The following ATP2C1 variants were observed in gnomAD, a reference collection of about 807,000 sequenced individuals.
The protein encoded by ATP2C1 is ATPase secretory pathway Ca2+ transporting 1, also known as calcium-transporting ATPase type 2C member 1.
A neutral mutation model predicts 120.5 loss-of-function variants in ATP2C1; 31 were observed. The observed-to-expected ratio is 0.26, with a 90% CI of 0.19 to 0.35. The LOEUF (loss-of-function observed/expected upper bound fraction) is 0.35, where lower values mean the gene tolerates loss of function less well. ATP2C1 is among the 10% of genes least tolerant of loss of function. The pLI is 1.00. For synonymous variants in ATP2C1, 351 were observed against 358.7 expected, an observed-to-expected ratio of 0.98 and a Z score of 0.24; for missense variants, 731 against 1,107.5, an observed-to-expected ratio of 0.66 and a Z score of 4.83.
intron 8 of ATP2C1, among the ~76,000 whole-genome samples, chr3:130,953,115 A>ATG (rs1395634677): frequency 6.6e-6 from 1 of 151,384 alleles, no homozygotes; most frequent in South Asian, 2.1e-4. Context: ...GTATGTATGT[A>ATG]TATATGTATG....
intron 1 of ATP2C1, among the ~76,000 whole-genome samples, chr3:130,858,254 G>A (rs916889092): frequency 6.6e-6 from 1 of 151,994 alleles, no homozygotes; most frequent in African/African-American, 2.4e-5. Context: ...ACAATACTTT[G>A]CATCCTTCAA....
intron 8 of ATP2C1, among the ~76,000 whole-genome samples, chr3:130,944,635 A>G (rs1346284007): frequency 6.6e-6 from 1 of 152,152 alleles, no homozygotes; most frequent in Non-Finnish European, 1.5e-5. Flanking sequence ...ATAGCATGTG[A>G]CTTTTTGGGA....
intron 19 of ATP2C1, 84 bp from the exon 20 acceptor site, chr3:130,980,498 A>G: frequency 3.2e-6 from 3 of 927,008 alleles, no homozygotes; most frequent in Non-Finnish European, 5.3e-6. Flanking sequence ...CAGATAACAA[A>G]TCATACTAAA....
chr3:130,929,194 T>G (rs1559935131), intron 2 of ATP2C1, among the ~76,000 whole-genome samples: 1 of 152,190 alleles, frequency 6.6e-6, no homozygotes, highest in Non-Finnish European at 1.5e-5. Flanking sequence ...AGTTGAAAAA[T>G]ACTACTGCTC....
intron 8 of ATP2C1, among the ~76,000 whole-genome samples, chr3:130,947,846 A>C (rs754390173): frequency 4.6e-5 from 7 of 151,230 alleles, no homozygotes; most frequent in Non-Finnish European, 1.0e-4. Flanking sequence ...TTCTGTGCAT[A>C]CTGTTTACTT....
At chr3:130,997,568 A>G (rs750288310) in intron 24 of ATP2C1, 38 bp from the exon 25 acceptor site, 1 of 1,602,468 alleles carries the variant, frequency 6.2e-7, no homozygotes, top group Non-Finnish European at 8.5e-7. Context: ...CCAGACCTTA[A>G]AACTTGAAAG....
chr3:130,866,057 A>G lies in ATP2C1; in HGVS notation c.108+15129A>G, dbSNP rs981147679. Among the ~76,000 whole-genome samples, 56 of 152,048 alleles carry G rather than the reference A, an allele frequency of 3.7e-4. 1 individual carries two copies. Among genetic ancestry groups the G allele is most frequent in the African/African-American group, 1.3e-3 (55 of 41,410 alleles). On this transcript the variant is annotated intron_variant, in intron 1 of 26. Coordinates refer to the ATP2C1 transcript ENST00000504381. ...ACTCTAGAATCCTCCTTTTTTGATTATATATGCATAATTATCCTTAAATGT... is the reference window on the plus strand; with the variant it reads ...ACTCTAGAATCCTCCTTTTTTGATTGTATATGCATAATTATCCTTAAATGT...
At position 130,894,155 on chromosome 3, in the gene ATP2C1, CCCCG is replaced by C. The variant is rs1559889304; in HGVS notation, c.-355_-352del. ...CCCCTCACCTCCTCTTCTCTCCCCT[CCCCG>C]CCCGCCCTCTCTCCCTCCCTTCCTC... On this transcript the variant is annotated 5_prime_UTR_variant, in exon 1 of 28. Transcript: ENST00000510168. The surrounding 1 kb of genome is among the most constrained non-coding windows in gnomAD (Gnocchi z 4.5). 2.4e-6 allele frequency: 1 copy of C among 419,084 alleles called. No homozygotes were observed. The highest frequency in any genetic ancestry group is 3.2e-6 in the Non-Finnish European group (1 of 313,220). 26.0% of individuals were successfully genotyped at this position (419,084 alleles called of 1,614,324 possible).
At chr3:130,934,407 AT>A (rs148794392) in intron 4 of ATP2C1, among the ~76,000 whole-genome samples, 9 of 150,814 alleles carry the variant, frequency 6.0e-5, no homozygotes, top group South Asian at 4.2e-4. Context: ...TTGCTATTTA[AT>A]TTTTTTTTTC....
chr3:130,936,173 A>T (rs1163992737), intron 5 of ATP2C1, among the ~76,000 whole-genome samples: 4 of 152,152 alleles, frequency 2.6e-5, no homozygotes, highest in Non-Finnish European at 5.9e-5. Context: ...ACTTTATTCC[A>T]ATTAGATCAG....
At chr3:131,011,119 A>G (rs2063302179) in intron 26 of ATP2C1, among the ~76,000 whole-genome samples, 1 of 152,178 alleles carries the variant, frequency 6.6e-6, no homozygotes, top group Admixed American at 6.5e-5. Flanking sequence ...CTTTTTAGCT[A>G]TGGTCTTTAT....
intron 3 of ATP2C1, among the ~76,000 whole-genome samples, chr3:130,931,777 C>T (rs951144715): frequency 2.0e-5 from 3 of 151,990 alleles, no homozygotes; most frequent in Non-Finnish European, 2.9e-5. Flanking sequence ...GTAATCACCA[C>T]CACCATTAAG....
In ATP2C1 at chr3:131,013,155, C is replaced by T. The variant is rs72987819; in HGVS notation, c.2630-2997C>T. ...TTTCAAGTTCTCATTTGGAACTGGC[C>T]GGCACTTTCAGAACTCTGGGTATTT... On this transcript the variant is annotated intron_variant, in intron 26 of 26. Transcript: ENST00000328560. Among the ~76,000 whole-genome samples, 265 of 152,220 alleles carry T rather than the reference C, an allele frequency of 1.7e-3. 1 individual carries two copies. Among genetic ancestry groups the T allele is most frequent in the African/African-American group, 6.2e-3 (256 of 41,544 alleles).
intron 7 of ATP2C1, among the ~76,000 whole-genome samples, chr3:130,941,252 G>GTA (rs1553764218): frequency 6.9e-6 from 1 of 144,274 alleles, no homozygotes; most frequent in Non-Finnish European, 1.5e-5. Context: ...GTGTGTGTGT[G>GTA]TGTGTGTGTG....
chr3:130,870,970 C>A (rs536570303), intron 1 of ATP2C1, among the ~76,000 whole-genome samples: 2 of 152,316 alleles, frequency 1.3e-5, no homozygotes, highest in South Asian at 4.1e-4. Flanking sequence ...CTTTCAGCAA[C>A]CACCGCCCTG....
intron 16 of ATP2C1, among the ~76,000 whole-genome samples, chr3:130,968,864 G>GTTA (rs754091050): frequency 3.9e-5 from 6 of 152,148 alleles, no homozygotes; most frequent in Non-Finnish European, 7.4e-5. Context: ...AAGTGGCAGA[G>GTTA]GGTAAGGGAC....
intron 2 of ATP2C1, among the ~76,000 whole-genome samples, chr3:130,897,736 A>T (rs2069759858): frequency 2.0e-5 from 3 of 152,130 alleles, no homozygotes; most frequent in African/African-American, 7.2e-5. Context: ...GGGCCCATTT[A>T]AACTTTCTCA....
At chr3:130,994,238 T>A in intron 22 of ATP2C1, 140 bp downstream of exon 22, 1 of 948,044 alleles carries the variant, frequency 1.1e-6, no homozygotes. Context: ...GTAATTATCC[T>A]ATTTTATGGT....
intron 12 of ATP2C1, 40 bp downstream of exon 12, chr3:130,959,381 C>G: frequency 7.2e-7 from 1 of 1,387,260 alleles, no homozygotes; most frequent in South Asian, 1.2e-5. Context: ...TCTTTTGCCT[C>G]TTTTATTTCT....
Sources: allele counts gnomAD v4.1 joint callset (sites outside exome capture counted in the v4.1 genomes callset), GRCh38; gene constraint gnomAD v4.1.1; non-coding constraint Gnocchi (gnomAD v3.1); transcripts MANE v1.5; gene names NCBI Gene and HGNC (gene_info 2026-07-23, HGNC 2026-07-21).